The following NBEA variants were observed in gnomAD, a reference collection of about 807,000 sequenced individuals.
NBEA encodes the protein neurobeachin.
NBEA carries 44 observed loss-of-function variants against 343.4 expected under a neutral mutation model. The ratio of observed to expected loss-of-function variants is 0.13; its 90% CI spans 0.10 to 0.16. NBEA has a LOEUF of 0.16. Among genes scored for constraint, NBEA ranks in the 10% least tolerant of loss-of-function variants. The pLI is 1.00. For synonymous variants in NBEA, 1,175 were observed against 1,238.7 expected (o/e 0.95, Z 1.08); for missense variants, 2,555 against 3,631.3 (o/e 0.70, Z 7.62).
chr13:35,058,988 C>T, intron 8 of NBEA, 125 bp downstream of exon 8: 2 of 775,356 alleles, frequency 2.6e-6, no homozygotes, highest in Non-Finnish European at 3.7e-6. Context: ...GGAATGTAGT[C>T]AAGTTTTATT....
chr13:35,491,448 A>C (rs1053412889), intron 41 of NBEA, among the ~76,000 whole-genome samples: 1 of 151,868 alleles, frequency 6.6e-6, no homozygotes, highest in South Asian at 2.1e-4. Flanking sequence ...TAGATTCCCA[A>C]TTGAGCACCT....
intron 52 of NBEA, among the ~76,000 whole-genome samples, chr13:35,650,759 C>A (rs2084477570): frequency 6.6e-6 from 1 of 152,132 alleles, no homozygotes; most frequent in African/African-American, 2.4e-5. Context: ...TTAACCAGGG[C>A]AGAGTGGATG....
intron 47 of NBEA, among the ~76,000 whole-genome samples, chr13:35,603,369 T>A (rs2082142640): frequency 6.6e-6 from 1 of 152,204 alleles, no homozygotes; most frequent in African/African-American, 2.4e-5. Context: ...ATTTTATTCA[T>A]ACTAAAATTG....
intron 38 of NBEA, among the ~76,000 whole-genome samples, chr13:35,354,330 T>C (rs543008030): frequency 2.0e-5 from 3 of 152,316 alleles, no homozygotes; most frequent in Non-Finnish European, 4.4e-5. Flanking sequence ...ATTATATTGC[T>C]AGTAACGCAG....
chr13:34,983,015 GTTA>G lies in NBEA; in HGVS notation c.294+39919_294+39921del, dbSNP rs965622974. Among the ~76,000 whole-genome samples the G allele has an allele frequency of 1.3e-4, 20 of 151,662 alleles. No homozygotes were observed. The South Asian group carries it at 1.7e-3, about 13-fold the overall frequency. The stretch of plus-strand genomic sequence containing the variant: ...CTGTTCCTCAGGAATTGACCTTTGG[GTTA>G]TTATTATTATTATTATTTTATACTT... On this transcript the variant is annotated intron_variant, in intron 1 of 58. Coordinates refer to ENST00000379939, the MANE Select transcript of NBEA (RefSeq NM_001385012.1).
At chr13:35,401,295 A>G (rs1372786222) in intron 38 of NBEA, among the ~76,000 whole-genome samples, 2 of 152,100 alleles carry the variant, frequency 1.3e-5, no homozygotes, top group African/African-American at 2.4e-5. Flanking sequence ...AGGAGGTGGC[A>G]TGACTGAGCT....
chr13:35,522,717 A>G (rs1001125649), intron 41 of NBEA, among the ~76,000 whole-genome samples: 1 of 152,020 alleles, frequency 6.6e-6, no homozygotes, highest in African/African-American at 2.4e-5. Context: ...CAGCGGCAGC[A>G]TGAGATTCTC....
intron 38 of NBEA, among the ~76,000 whole-genome samples, chr13:35,401,270 C>T (rs145733498): frequency 0.019 from 2,907 of 152,002 alleles, 42 homozygotes; most frequent in Admixed American, 0.031. Flanking sequence ...AAGACATCTG[C>T]CTTCATGAGC....
intron 17 of NBEA, among the ~76,000 whole-genome samples, chr13:35,130,621 C>A (rs1406413950): frequency 6.6e-6 from 1 of 151,658 alleles, no homozygotes; most frequent in African/African-American, 2.4e-5. Flanking sequence ...CAAATTTTAA[C>A]ATATTTTTTT....
intron 36 of NBEA, among the ~76,000 whole-genome samples, chr13:35,310,181 C>T (rs1301419862): frequency 3.3e-5 from 5 of 152,002 alleles, no homozygotes; most frequent in African/African-American, 7.2e-5. Flanking sequence ...ACAGAATGCA[C>T]GGTTTCAGAA....
chr13:35,081,338 T>C (rs1260212549), intron 10 of NBEA, among the ~76,000 whole-genome samples: 1 of 152,194 alleles, frequency 6.6e-6, no homozygotes, highest in Admixed American at 6.6e-5. Flanking sequence ...CTTTAGACAC[T>C]TCCTTTGCAA....
At chr13:35,142,752 C>G (rs1483905952) in intron 18 of NBEA, among the ~76,000 whole-genome samples, 1 of 152,038 alleles carries the variant, frequency 6.6e-6, no homozygotes, top group African/African-American at 2.4e-5. Context: ...TATTAGCTAT[C>G]CACTGCCAGT....
At chr13:35,109,969 A>G (rs899607147) in intron 12 of NBEA, among the ~76,000 whole-genome samples, 10 of 149,792 alleles carry the variant, frequency 6.7e-5, no homozygotes, top group African/African-American at 2.2e-4. Context: ...TATCTTTTAT[A>G]GTTTAAAAAT....
intron 41 of NBEA, among the ~76,000 whole-genome samples, chr13:35,545,441 T>C (rs1283078420): frequency 6.6e-6 from 1 of 152,140 alleles, no homozygotes; most frequent in African/African-American, 2.4e-5. Flanking sequence ...CAGAGCAGGG[T>C]AACAGAGCCC....
chr13:34,960,357 A>G (rs1287018430), intron 1 of NBEA, among the ~76,000 whole-genome samples: 2 of 152,170 alleles, frequency 1.3e-5, no homozygotes, highest in African/African-American at 4.8e-5. Context: ...ATGAAAGTTT[A>G]TAAAGTAAAA....
chr13:35,670,783 C>T, intron 58 of NBEA, 118 bp from the exon 59 acceptor site: 1 of 684,888 alleles, frequency 1.5e-6, no homozygotes, highest in Non-Finnish European at 2.5e-6. Context: ...CTTGGCAAAC[C>T]TTGAGATCGT....
In NBEA at chr13:35,120,081, T is replaced by C. The variant is rs73500417; in HGVS notation, c.2243+1607T>C. Among the ~76,000 whole-genome samples the C allele has an allele frequency of 6.5e-3, 983 of 152,326 alleles. 11 individuals are homozygous for C. The highest frequency in any genetic ancestry group is 0.023 in the African/African-American group (942 of 41,564). On this transcript the variant is annotated intron_variant, in intron 16 of 58. Coordinates refer to ENST00000379939, the MANE Select transcript of NBEA (RefSeq NM_001385012.1). ...TTGCTTTGTTTATTATATTACTTGATAAATTTAGTGAATCAGTTGAAGATA... is the reference window on the plus strand; with the variant it reads ...TTGCTTTGTTTATTATATTACTTGACAAATTTAGTGAATCAGTTGAAGATA...
intron 30 of NBEA, among the ~76,000 whole-genome samples, 177 bp downstream of exon 30, chr13:35,184,248 AT>A (rs753313512): frequency 3.3e-5 from 5 of 152,136 alleles, no homozygotes; most frequent in Non-Finnish European, 5.9e-5. Flanking sequence ...TTATATTTGT[AT>A]TTTATTACAT....
intron 55 of NBEA, among the ~76,000 whole-genome samples, chr13:35,659,704 T>C (rs1048570610): frequency 1.3e-5 from 2 of 152,198 alleles, no homozygotes; most frequent in African/African-American, 4.8e-5. Context: ...AGAGTTGAAT[T>C]ATCATTGCTT....
Sources: gnomAD v4.1 joint callset for allele counts (sites outside exome capture counted in the v4.1 genomes callset) on GRCh38, gnomAD v4.1.1 for gene constraint, MANE v1.5 for transcripts, NCBI Gene and HGNC (gene_info 2026-07-23, HGNC 2026-07-21) for gene names.